Variants in CLEC2L observed in about 807,000 individuals in gnomAD.
CLEC2L encodes C-type lectin domain family 2 member L.
In CLEC2L, 14 loss-of-function variants were observed where a neutral mutation model predicts 23.6. That is an observed-to-expected ratio of 0.59 (90% CI 0.39 to 0.93). CLEC2L has a LOEUF of 0.93. CLEC2L is among the 40% of genes least tolerant of loss of function. CLEC2L has a pLI of 0.00. For synonymous variants in CLEC2L, 114 were observed against 121.3 expected, an observed-to-expected ratio of 0.94 and a Z score of 0.40; for missense variants, 264 against 282.4, an observed-to-expected ratio of 0.93 and a Z score of 0.47.
intron 1 of CLEC2L, among the ~76,000 whole-genome samples, chr7:139,531,338 A>G (rs1322247355): frequency 2.0e-5 from 3 of 152,232 alleles, no homozygotes; most frequent in African/African-American, 7.2e-5. Flanking sequence ...GGATTCTTTA[A>G]GAGGGGGTAT....
chr7:139,544,075 G>C (rs1165698982), intron 4 of CLEC2L, among the ~76,000 whole-genome samples, 156 bp from the exon 5 acceptor site: 2 of 152,226 alleles, frequency 1.3e-5, no homozygotes, highest in Non-Finnish European at 2.9e-5. Flanking sequence ...GGGATGCCAA[G>C]CTAGAACAGT....
chr7:139,529,762 G>A (rs1797552939), intron 1 of CLEC2L, among the ~76,000 whole-genome samples: 1 of 152,116 alleles, frequency 6.6e-6, no homozygotes, highest in Non-Finnish European at 1.5e-5. Flanking sequence ...TCCTTCAGAA[G>A]CCCACTAATA....
chr7:139,536,329 G>T lies in CLEC2L; in HGVS notation c.246G>T (p.Leu82Phe), dbSNP rs1052831270. 28 of 1,551,480 alleles carry T rather than the reference G, an allele frequency of 1.8e-5. No individual in the cohort carries two copies. The highest frequency in any genetic ancestry group is 2.4e-5 in the Non-Finnish European group (28 of 1,146,852). The change falls in exon 2 of 5, where the codon TTG (leucine) becomes TTT (phenylalanine). Residue 82 changes from leucine to phenylalanine, a missense_variant. By Grantham distance (22) the Leu-to-Phe change is conservative. Coordinates refer to ENST00000422142, the MANE Select transcript of CLEC2L (RefSeq NM_001080511.4). ...GAIAVLLFAI[L>F]VVMSILASKG... is the part of the protein sequence containing the mutation. Reference sequence around the variant, plus strand: ...TCGCGGTCCTTCTGTTCGCCATCTTGGTGGTGATGAGCATCTTGGGTGAGC... The same window carrying T: ...TCGCGGTCCTTCTGTTCGCCATCTTTGTGGTGATGAGCATCTTGGGTGAGC...
chr7:139,530,697 C>G (rs1267661972), intron 1 of CLEC2L, among the ~76,000 whole-genome samples: 1 of 151,592 alleles, frequency 6.6e-6, no homozygotes, highest in African/African-American at 2.4e-5. Context: ...CCTATAATCC[C>G]AGCTACTCAG....
chr7:139,539,277 A>G lies in CLEC2L; in HGVS notation c.266-1044A>G, dbSNP rs1429164939. 2 of 152,246 alleles carry G rather than the reference A, an allele frequency of 1.3e-5. No individual in the cohort carries two copies. The highest frequency in any genetic ancestry group is 2.9e-5 in the Non-Finnish European group (2 of 68,054). 9.4% of individuals were successfully genotyped at this position (152,246 alleles called of 1,614,324 possible). The stretch of plus-strand genomic sequence containing the variant: ...ATAACTCAAATGATGAGCCAAAGTG[A>G]ATGACATAAATGTGGAAGAAATAAA... On this transcript the variant is annotated intron_variant, in intron 2 of 4. Coordinates refer to ENST00000422142, the MANE Select transcript of CLEC2L (RefSeq NM_001080511.4). The surrounding 1 kb of genome is among the most constrained non-coding windows in gnomAD (Gnocchi z 4.1).
chr7:139,544,602 C>A lies in CLEC2L; in HGVS notation c.*260C>A. On this transcript the variant is annotated 3_prime_UTR_variant, in exon 5 of 5. Coordinates refer to ENST00000422142, the MANE Select transcript of CLEC2L (RefSeq NM_001080511.4). The stretch of plus-strand genomic sequence containing the variant: ...GTAGGCATCTGCCCACCTACACACA[C>A]ACACATGCATAGGTACACGCACGCA... 2 of 523,078 alleles carry A rather than the reference C, an allele frequency of 3.8e-6. No individual in the cohort carries two copies. 32.4% of individuals were successfully genotyped at this position (523,078 alleles called of 1,614,324 possible).
intron 1 of CLEC2L, chr7:139,534,135 G>T: frequency 3.1e-6 from 2 of 643,612 alleles, no homozygotes; most frequent in Non-Finnish European, 5.6e-6. Flanking sequence ...TGTTGCTGGT[G>T]AGAATGTAAA....
intron 2 of CLEC2L, among the ~76,000 whole-genome samples, chr7:139,538,863 C>G (rs756693127): frequency 4.5e-4 from 68 of 152,208 alleles, no homozygotes; most frequent in Non-Finnish European, 1.3e-4. Context: ...TCCTTTTCCC[C>G]TCTTACTAGG....
rs1041156844 is a variant in CLEC2L at position 139,544,466 on chromosome 7, C to T, written c.*124C>T. ...GGCGAAGCGGTGGGTGCGTGGCCTC[C>T]GCCCCAGGCCCCTCTCCCAGGCCCT... On this transcript the variant is annotated 3_prime_UTR_variant, in exon 5 of 5. Coordinates refer to ENST00000422142, the MANE Select transcript of CLEC2L (RefSeq NM_001080511.4). 8 of 652,836 alleles carry T rather than the reference C, an allele frequency of 1.2e-5. No homozygotes were observed. Among genetic ancestry groups the T allele is most frequent in the African/African-American group, 5.5e-5 (3 of 54,988 alleles). The allele number at this position is 652,836 out of a possible 1,614,324, so 40.4% of individuals were successfully genotyped here. A position where few individuals can be genotyped will look rare whatever the true frequency, so the allele number is the denominator to read the frequency against.
In CLEC2L at chr7:139,524,093, A is replaced by G; in HGVS notation, c.166A>G (p.Thr56Ala). ...RRSGSGYEGS[T>A]SWKAALEDTT... ...ATCCGGGTCGGGCTACGAGGGCAGC[A>G]CCAGCTGGAAGGCGGCCTTGGAGGG... is the stretch of plus-strand genomic sequence containing the variant. Residue 56 changes from threonine (T) to alanine (A), a missense_variant, in exon 1 of 5, where the codon ACC becomes GCC. By Grantham distance (58) the Thr-to-Ala change is moderately conservative. Coordinates refer to ENST00000422142, the MANE Select transcript of CLEC2L (RefSeq NM_001080511.4). 1.6e-6 allele frequency: 2 copies of G among 1,226,034 alleles called. No homozygotes were observed. The highest frequency in any genetic ancestry group is 2.0e-6 in the Non-Finnish European group (2 of 981,614). The allele number at this position is 1,226,034 out of a possible 1,614,324, so 75.9% of individuals were successfully genotyped here. A position where few individuals can be genotyped will look rare whatever the true frequency, so the allele number is the denominator to read the frequency against.
intron 1 of CLEC2L, among the ~76,000 whole-genome samples, chr7:139,524,352 C>A (rs1275581944): frequency 6.6e-6 from 1 of 152,216 alleles, no homozygotes; most frequent in South Asian, 2.1e-4. Flanking sequence ...GCCTCTGCTG[C>A]GACTCCCTCT....
intron 2 of CLEC2L, among the ~76,000 whole-genome samples, chr7:139,537,838 G>A (rs973857497): frequency 6.6e-6 from 1 of 152,204 alleles, no homozygotes; most frequent in African/African-American, 2.4e-5. Context: ...GAAACATAGA[G>A]TGTGTGTGGA....
intron 1 of CLEC2L, among the ~76,000 whole-genome samples, chr7:139,530,654 A>G (rs1797568754): frequency 6.6e-6 from 1 of 151,876 alleles, no homozygotes; most frequent in Non-Finnish European, 1.5e-5. Flanking sequence ...GTCTACTAAA[A>G]TTACAAAAAT....
At chr7:139,531,459 C>T (rs142429478) in intron 1 of CLEC2L, among the ~76,000 whole-genome samples, 33 of 151,910 alleles carry the variant, frequency 2.2e-4, no homozygotes, top group Admixed American at 1.5e-3. Context: ...AAATGTTCCA[C>T]GAAATAGAGC....
intron 1 of CLEC2L, among the ~76,000 whole-genome samples, chr7:139,526,882 C>T (rs1237299995): frequency 6.6e-6 from 1 of 152,222 alleles, no homozygotes; most frequent in East Asian, 1.9e-4. Context: ...GCTTCCCACC[C>T]CAAACCTGAG....
chr7:139,534,217 G>A (rs1016902220), intron 1 of CLEC2L: 18 of 838,762 alleles, frequency 2.1e-5, no homozygotes, highest in Admixed American at 5.2e-5. Flanking sequence ...TGTCGGCAGC[G>A]GCTGTAGCAA....
Position 139,544,249 on chromosome 7 carries a change from A to G in CLEC2L, c.552A>G (p.Pro184=). Residue 184 remains proline (P), a synonymous_variant, in exon 5 of 5, where the codon CCA becomes CCG. Transcript: ENST00000422142. ...FDPDTFTIAG[P]GECVFVEPTR... is the part of the protein sequence containing the mutation. ...GCCACAGGTTCACCATCGCAGGTCC[A>G]GGGGAGTGTGTCTTCGTGGAGCCCA... 1 of 1,613,164 alleles carries G rather than the reference A, an allele frequency of 6.2e-7. No homozygotes were observed. The highest frequency in any genetic ancestry group is 1.1e-5 in the South Asian group (1 of 90,908).
At chr7:139,534,157 A>G in intron 1 of CLEC2L, 2 of 680,850 alleles carry the variant, frequency 2.9e-6, no homozygotes, top group South Asian at 3.1e-5. Context: ...TTATGCAACC[A>G]ATGATGGAGT....
intron 3 of CLEC2L, 71 bp from the exon 4 acceptor site, chr7:139,541,950 T>G: frequency 9.9e-7 from 1 of 1,007,096 alleles, no homozygotes; most frequent in South Asian, 1.4e-5. Context: ...CAAGCTGAGG[T>G]TTGTCTTGGG....
Sources: gnomAD v4.1 joint callset for allele counts (sites outside exome capture counted in the v4.1 genomes callset) on GRCh38, gnomAD v4.1.1 for gene constraint, Gnocchi (gnomAD v3.1) non-coding constraint, MANE v1.5 for transcripts, NCBI Gene and HGNC (gene_info 2026-07-23, HGNC 2026-07-21) for gene names.